Variants in UBE2D4 observed in about 807,000 individuals in gnomAD.
UBE2D4 encodes the protein ubiquitin conjugating enzyme E2 D4, also known as ubiquitin-conjugating enzyme E2 D4.
In UBE2D4, 17 loss-of-function variants were observed where a neutral mutation model predicts 23.0. The observed-to-expected ratio is 0.74, with a 90% confidence interval of 0.51 to 1.11. The LOEUF (loss-of-function observed/expected upper bound fraction) is 1.11, where lower values mean the gene tolerates loss of function less well. Among genes scored for constraint, UBE2D4 ranks in the 50% least tolerant of loss-of-function variants. The pLI is 0.00. For synonymous variants in UBE2D4, 61 were observed against 69.4 expected (o/e 0.88, Z 0.60); for missense variants, 139 against 181.8 (o/e 0.76, Z 1.35).
Position 43,952,774 on chromosome 7 carries a change from G to A in UBE2D4, c.*79G>A. 1 of 1,207,418 alleles carries A rather than the reference G, an allele frequency of 8.3e-7. No homozygotes were observed. The allele number at this position is 1,207,418 out of a possible 1,614,324, so 74.8% of individuals were successfully genotyped here. A position where few individuals can be genotyped will look rare whatever the true frequency, so the allele number is the denominator to read the frequency against. On this transcript the variant is annotated 3_prime_UTR_variant, in exon 7 of 7. Transcript: ENST00000222402. ...CTTCCCTTAAAACTTTGGGCTGTTG[G>A]CTGAGCCATTCAAAGAGCATCATCT... is the stretch of plus-strand genomic sequence containing the variant.
chr7:43,932,686 G>A (rs1280405746), intron 1 of UBE2D4, among the ~76,000 whole-genome samples: 4 of 151,910 alleles, frequency 2.6e-5, no homozygotes, highest in Admixed American at 6.6e-5. Flanking sequence ...TCAGCTACTC[G>A]GGAGGCTGAG....
chr7:43,933,107 CAT>C (rs1240203167), intron 1 of UBE2D4, among the ~76,000 whole-genome samples: 5 of 144,006 alleles, frequency 3.5e-5, no homozygotes, highest in East Asian at 4.1e-4. Context: ...ATATATATAA[CAT>C]ATATACTTAT....
chr7:43,937,200 C>T (rs917970671), intron 1 of UBE2D4, among the ~76,000 whole-genome samples: 2 of 152,190 alleles, frequency 1.3e-5, no homozygotes, highest in African/African-American at 4.8e-5. Context: ...CTGCCCCTGG[C>T]TGTTCATATA....
At chr7:43,945,442 G>T (rs1218170759) in intron 4 of UBE2D4, among the ~76,000 whole-genome samples, 2 of 152,152 alleles carry the variant, frequency 1.3e-5, no homozygotes, top group East Asian at 3.9e-4. Context: ...TTCCACAGGG[G>T]AACAGGAGCA....
intron 6 of UBE2D4, chr7:43,951,925 G>A (rs1387207552): frequency 6.6e-6 from 1 of 152,112 alleles, no homozygotes; most frequent in Non-Finnish European, 1.5e-5. Context: ...AATTGACTGG[G>A]TTTGTTTATT....
At chr7:43,927,977 TAAAG>T (rs1487856919) in intron 1 of UBE2D4, 2 of 445,944 alleles carry the variant, frequency 4.5e-6, no homozygotes, top group Non-Finnish European at 8.9e-6. Context: ...GGGTAATTAA[TAAAG>T]AAAAGAGGTT....
chr7:43,932,985 T>C (rs1462672940), intron 1 of UBE2D4, among the ~76,000 whole-genome samples: 19 of 28,766 alleles, frequency 6.6e-4, no homozygotes, highest in African/African-American at 3.0e-3. Flanking sequence ...AATGTTAAAG[T>C]ATATATATAT....
intron 1 of UBE2D4, among the ~76,000 whole-genome samples, chr7:43,931,306 T>A (rs2442389): frequency 0.061 from 9,266 of 151,824 alleles, 313 homozygotes; most frequent in East Asian, 0.1. Context: ...GGCATGGTTC[T>A]TGGCATGTGC....
intron 4 of UBE2D4, chr7:43,946,212 A>G (rs1441341521): frequency 1.3e-5 from 2 of 152,200 alleles, no homozygotes; most frequent in Admixed American, 6.5e-5. Context: ...CACCTTGCAC[A>G]TCACAGACAG....
chr7:43,953,304 AGAAGCAGCAAGTG>A lies in UBE2D4; in HGVS notation c.*613_*625del, dbSNP rs1405868629. On this transcript the variant is annotated 3_prime_UTR_variant, in exon 7 of 7. Transcript: ENST00000222402. ...TGGTGGCATTTCTCGCCTCACACCAAGAAGCAGCAAGTGGAAAATTTCAGGATACAAAGCACAT... is the reference window on the plus strand; with the variant it reads ...TGGTGGCATTTCTCGCCTCACACCAAGAAAATTTCAGGATACAAAGCACAT... 3.6e-5 allele frequency: 15 copies of A among 419,050 alleles called. No homozygotes were observed. Among genetic ancestry groups the A allele is most frequent in the Non-Finnish European group, 7.1e-5 (15 of 211,744 alleles). 26.0% of individuals were successfully genotyped at this position (419,050 alleles called of 1,614,324 possible).
Position 43,936,875 on chromosome 7 carries a change from G to A in UBE2D4, c.25-1556G>A, listed in dbSNP as rs536848187. On this transcript the variant is annotated intron_variant, in intron 1 of 6. Transcript: ENST00000222402. ...AGGTGAAAGTGATTTCCTCAGTGAC[G>A]GAGCTTGGATTCAGACCTGAGTCTT... Among the ~76,000 whole-genome samples, 4 of 152,172 alleles carry A rather than the reference G, an allele frequency of 2.6e-5. No individual in the cohort carries two copies. The South Asian group carries it at 8.3e-4, about 32-fold the overall frequency.
intron 2 of UBE2D4, chr7:43,942,287 G>A (rs1329789058): frequency 1.8e-5 from 3 of 167,802 alleles, no homozygotes; most frequent in Non-Finnish European, 2.6e-5. Flanking sequence ...CTGCCCACCA[G>A]CCTGGGTGGC....
At chr7:43,935,978 G>T (rs1245947903) in intron 1 of UBE2D4, among the ~76,000 whole-genome samples, 1 of 152,154 alleles carries the variant, frequency 6.6e-6, no homozygotes, top group African/African-American at 2.4e-5. Context: ...CCTCTAAAGC[G>T]ATTCTTGTGC....
chr7:43,951,770 A>G (rs866679458), intron 6 of UBE2D4: 6 of 151,868 alleles, frequency 4.0e-5, no homozygotes, highest in Admixed American at 2.6e-4. Context: ...CAATCTGCCC[A>G]CCTAGGCCAC....
chr7:43,950,162 C>T (rs1210941513), intron 5 of UBE2D4, among the ~76,000 whole-genome samples: 1 of 152,174 alleles, frequency 6.6e-6, no homozygotes, highest in Admixed American at 6.5e-5. Flanking sequence ...GGTCCAGAAT[C>T]TCATTTTAAT....
intron 1 of UBE2D4, among the ~76,000 whole-genome samples, chr7:43,936,413 T>C (rs117958308): frequency 0.013 from 1,960 of 152,282 alleles, 24 homozygotes; most frequent in Non-Finnish European, 0.02. Context: ...TTTTCGGAAC[T>C]TCTCACTTTT....
chr7:43,937,002 G>C (rs557786135), intron 1 of UBE2D4, among the ~76,000 whole-genome samples: 1 of 152,186 alleles, frequency 6.6e-6, no homozygotes, highest in Non-Finnish European at 1.5e-5. Flanking sequence ...CGAAACTCCT[G>C]GGTGCTGGTT....
At chr7:43,949,017 T>C in intron 5 of UBE2D4, 1 of 440,648 alleles carries the variant, frequency 2.3e-6, no homozygotes. Context: ...TACTTATATT[T>C]TTTTATCCAA....
intron 1 of UBE2D4, among the ~76,000 whole-genome samples, chr7:43,933,641 G>A (rs1207237498): frequency 6.6e-6 from 1 of 152,146 alleles, no homozygotes; most frequent in Non-Finnish European, 1.5e-5. Context: ...CTACTCTGGA[G>A]GGTGAGACAC....
Sources: allele counts gnomAD v4.1 joint callset (sites outside exome capture counted in the v4.1 genomes callset), GRCh38; gene constraint gnomAD v4.1.1; transcripts MANE v1.5; gene names NCBI Gene and HGNC (gene_info 2026-07-23, HGNC 2026-07-21).